Variants in GRIA3 observed in about 807,000 individuals in gnomAD.
GRIA3 encodes glutamate receptor 3.
Under a neutral mutation model 63.0 loss-of-function variants are expected in GRIA3, and 3 were observed. The observed-to-expected ratio is 0.05, with a 90% confidence interval of 0.02 to 0.12. The LOEUF (loss-of-function observed/expected upper bound fraction) is 0.12. Among genes scored for constraint, GRIA3 ranks in the 10% least tolerant of loss-of-function variants. The pLI, the probability that GRIA3 is intolerant of heterozygous loss-of-function variation, is 1.00. For synonymous variants in GRIA3, 274 were observed against 257.9 expected (o/e 1.06, Z -0.60); for missense variants, 347 against 700.9 (o/e 0.50, Z 5.70).
chrX:123,359,329 C>T (rs983557482), intron 5 of GRIA3, among the ~76,000 whole-genome samples: 6 of 111,182 alleles, frequency 5.4e-5, no homozygotes, highest in African/African-American at 1.6e-4. Flanking sequence ...AATTATAGTT[C>T]GGATGGTCCA....
rs764854749 is a variant in GRIA3 at position 123,426,170 on chromosome X, G to A, written c.1878-1771G>A. The stretch of plus-strand genomic sequence containing the variant: ...GCATGGGAGAACATAGCGTAACTAG[G>A]ATGGAGCTCTGCCACACAGCAGAAT... On this transcript the variant is annotated intron_variant, in intron 11 of 15. Coordinates refer to ENST00000620443, the MANE Select transcript of GRIA3 (RefSeq NM_007325.5). 6.3e-5 allele frequency among the ~76,000 whole-genome samples: 7 copies of A among 111,602 alleles called. No homozygotes were observed. The South Asian group carries it at 2.7e-3, about 42-fold the overall frequency.
chrX:123,463,616 GAAAGAAAGAAA>G (rs2045810073), intron 12 of GRIA3, among the ~76,000 whole-genome samples: 195 of 14,136 alleles, frequency 0.014, 3 homozygotes, highest in Middle Eastern at 0.047. Context: ...GGGAGGGAAA[GAAAGAAAGAAA>G]GAAAGAAAGA....
At chrX:123,211,939 G>A (rs954449897) in intron 2 of GRIA3, among the ~76,000 whole-genome samples, 4 of 111,345 alleles carry the variant, frequency 3.6e-5, no homozygotes, top group South Asian at 3.8e-4. Flanking sequence ...GTATAGTATC[G>A]TTATTGAGCA....
chrX:123,288,991 T>A (rs113224177), intron 3 of GRIA3, among the ~76,000 whole-genome samples: 1 of 111,981 alleles, frequency 8.9e-6, no homozygotes, highest in Non-Finnish European at 1.9e-5. Context: ...GCAGCACTAT[T>A]CACAATAGCA....
At chrX:123,186,312 A>AG (rs1927276200) in intron 2 of GRIA3, among the ~76,000 whole-genome samples, 2 of 111,287 alleles carry the variant, frequency 1.8e-5, no homozygotes, top group African/African-American at 6.5e-5. Flanking sequence ...TGGGGAAAAA[A>AG]AAAGAAAGAA....
At chrX:123,234,771 A>G (rs1433205353) in intron 2 of GRIA3, among the ~76,000 whole-genome samples, 4 of 111,991 alleles carry the variant, frequency 3.6e-5, no homozygotes, top group African/African-American at 1.3e-4. Flanking sequence ...TAAGGTATCC[A>G]TGGGTAAATG....
chrX:123,230,889 T>C, intron 2 of GRIA3, among the ~76,000 whole-genome samples: 1 of 112,053 alleles, frequency 8.9e-6, no homozygotes, highest in South Asian at 3.7e-4. Flanking sequence ...TTATAACCAC[T>C]TATAATCAGA....
rs2147381088 is a variant in GRIA3, at chrX:123,398,672, A to G, written c.949A>G (p.Ile317Val). The G allele has an allele frequency of 8.3e-7, 1 of 1,208,462 alleles. No individual in the cohort carries two copies. The highest frequency in any genetic ancestry group is 1.8e-5 in the South Asian group (1 of 56,884). Residue 317 changes from isoleucine to valine, a missense_variant, in exon 7 of 16, where the codon ATA (isoleucine) becomes GTA (valine). By Grantham distance (29) the Ile-to-Val change is conservative (BLOSUM62 3). This residue lies in a region of GRIA3 where 65 missense variants were observed against 145.8 expected (regional missense o/e 0.45). Transcript: ENST00000620443. ...SALTHDAILV[I>V]AEAFRYLRRQ... ...ATTGACACACGACGCAATACTGGTC[A>G]TAGCAGAAGCTTTCCGCTACCTGAG...
intron 5 of GRIA3, among the ~76,000 whole-genome samples, chrX:123,370,195 T>A (rs1313798337): frequency 8.9e-6 from 1 of 112,158 alleles, no homozygotes; most frequent in Non-Finnish European, 1.9e-5. Context: ...AGCAAACTGC[T>A]GTCCTTCATA....
chrX:123,360,449 G>A (rs1016814763), intron 5 of GRIA3, among the ~76,000 whole-genome samples: 2 of 104,237 alleles, frequency 1.9e-5, no homozygotes, highest in African/African-American at 3.5e-5. Flanking sequence ...TTGGGAGGCC[G>A]AGGTGGGTGG....
At chrX:123,320,427 C>T (rs968289741) in intron 3 of GRIA3, among the ~76,000 whole-genome samples, 3 of 111,675 alleles carry the variant, frequency 2.7e-5, no homozygotes, top group Non-Finnish European at 3.8e-5. Flanking sequence ...GCTATTTTTA[C>T]GCTGGCACCT....
chrX:123,377,002 T>G (rs1603121603), intron 5 of GRIA3, among the ~76,000 whole-genome samples: 1 of 101,826 alleles, frequency 9.8e-6, no homozygotes, highest in East Asian at 3.2e-4. Context: ...TGGCGCTATC[T>G]CGGCTCACTG....
At chrX:123,338,969 C>A (rs1258911917) in intron 4 of GRIA3, among the ~76,000 whole-genome samples, 1 of 112,351 alleles carries the variant, frequency 8.9e-6, no homozygotes, top group Admixed American at 9.4e-5. Context: ...GCTGTTCAGT[C>A]TACAAACTGT....
intron 2 of GRIA3, among the ~76,000 whole-genome samples, chrX:123,230,194 G>A (rs2044268913): frequency 9.0e-6 from 1 of 111,719 alleles, no homozygotes; most frequent in Admixed American, 9.5e-5. Context: ...ACGAAGTGGA[G>A]GAGGCCAATG....
At chrX:123,318,969 G>A (rs1400483813) in intron 3 of GRIA3, among the ~76,000 whole-genome samples, 1 of 111,952 alleles carries the variant, frequency 8.9e-6, no homozygotes, top group Non-Finnish European at 1.9e-5. Context: ...GGAAGCAAAA[G>A]GCACTTCTTA....
At chrX:123,322,190 C>T (rs772479379) in intron 3 of GRIA3, among the ~76,000 whole-genome samples, 2 of 111,715 alleles carry the variant, frequency 1.8e-5, no homozygotes, top group South Asian at 3.8e-4. Context: ...TTGGTCATAG[C>T]TGCAGCCCAG....
chrX:123,208,361 T>C (rs1327502523), intron 2 of GRIA3, among the ~76,000 whole-genome samples: 1 of 112,457 alleles, frequency 8.9e-6, no homozygotes, highest in African/African-American at 3.2e-5. Flanking sequence ...GTTAGATCTT[T>C]TGTAAAATGA....
At chrX:123,451,504 C>CA (rs2045730409) in intron 12 of GRIA3, among the ~76,000 whole-genome samples, 1 of 6,553 alleles carries the variant, frequency 1.5e-4, no homozygotes, top group Non-Finnish European at 2.8e-4. Context: ...GACTCTGTCT[C>CA]TAAAAAAAAA....
chrX:123,366,285 T>C lies in GRIA3; in HGVS notation c.750+11322T>C, dbSNP rs1019665668. 1.1e-4 allele frequency among the ~76,000 whole-genome samples: 12 copies of C among 111,591 alleles called. No individual in the cohort carries two copies. The East Asian group carries it at 2.8e-3, about 26-fold the overall frequency. On this transcript the variant is annotated intron_variant, in intron 5 of 15. Transcript: ENST00000620443. The stretch of plus-strand genomic sequence containing the variant: ...CAGCCCCTACTCATGATGGAGTTGC[T>C]CTTGTTCAAATGCCTCTGACATTTC...
Sources: gnomAD v4.1 joint callset for allele counts (sites outside exome capture counted in the v4.1 genomes callset) on GRCh38, gnomAD v4.1.1 for gene constraint, gnomAD v4.1.1 regional missense constraint, MANE v1.5 for transcripts, NCBI Gene and HGNC (gene_info 2026-07-23, HGNC 2026-07-21) for gene names.